The following CHEK1 variants were observed in gnomAD, a reference collection of about 807,000 sequenced individuals.
The protein encoded by CHEK1 is serine/threonine-protein kinase Chk1.
Under a neutral mutation model 60.2 loss-of-function variants are expected in CHEK1, and 32 were observed. The ratio of observed to expected loss-of-function variants is 0.53; its 90% confidence interval spans 0.40 to 0.71. The LOEUF (loss-of-function observed/expected upper bound fraction) is 0.71. Ranked by LOEUF, CHEK1 falls within the 30% of genes least tolerant of loss-of-function variation. The pLI is 0.00. For synonymous variants in CHEK1, 179 were observed against 187.2 expected, an observed-to-expected ratio of 0.96 and a Z score of 0.36; for missense variants, 399 against 564.6, an observed-to-expected ratio of 0.71 and a Z score of 2.97.
intron 1 of CHEK1, chr11:125,626,398 C>T (rs1304808819): frequency 2.3e-6 from 1 of 431,890 alleles, no homozygotes; most frequent in African/African-American, 1.9e-5. Flanking sequence ...TCCCTATATC[C>T]TCTTCCTCTC....
chr11:125,670,212 T>A (rs1942175747), intron 13 of CHEK1, among the ~76,000 whole-genome samples: 1 of 152,220 alleles, frequency 6.6e-6, no homozygotes, highest in South Asian at 2.1e-4. Flanking sequence ...AGTATCTGTG[T>A]AAGATTCATT....
Position 125,625,794 on chromosome 11 carries a change from G to C in CHEK1, c.-239G>C, listed in dbSNP as rs980250476. ...CGCCGTCCTTAAATCTCTTCAGCCA[G>C]GATCTCTCCCCGACTGCAAAGCAGC... is the stretch of plus-strand genomic sequence containing the variant. On this transcript the variant is annotated 5_prime_UTR_variant, in exon 1 of 13. Transcript: ENST00000438015. 29 of 700,372 alleles carry C rather than the reference G, an allele frequency of 4.1e-5. No individual in the cohort carries two copies. The African/African-American group carries it at 4.9e-4, about 12-fold the overall frequency. The allele number at this position is 700,372 out of a possible 1,614,324, so 43.4% of individuals were successfully genotyped here. A position where few individuals can be genotyped will look rare whatever the true frequency, so the allele number is the denominator to read the frequency against.
chr11:125,626,112 C>G, intron 1 of CHEK1, 100 bp downstream of exon 1: 1 of 645,410 alleles, frequency 1.5e-6, no homozygotes, highest in Non-Finnish European at 2.8e-6. Flanking sequence ...TTAGCATTGA[C>G]TAGCGCAGGG....
At chr11:125,627,867 TTTTTAAATTTGTTTTTTAAATCTTG>T in intron 3 of CHEK1, 37 bp downstream of exon 3, 1 of 1,447,584 alleles carries the variant, frequency 6.9e-7, no homozygotes, top group Non-Finnish European at 9.3e-7. Flanking sequence ...TTTAAACAAG[TTTTTAAATTTGTTTTTTAAATCTTG>T]GGCATGCTAT....
downstream of CHEK1, chr11:125,677,823 C>T (rs1000387485): frequency 1.2e-6 from 2 of 1,614,028 alleles, no homozygotes; most frequent in South Asian, 1.1e-5. Flanking sequence ...AATTGGTGCA[C>T]CTGAAGCCTG....
downstream of CHEK1, chr11:125,681,090 A>C: frequency 5.1e-6 from 1 of 194,452 alleles, no homozygotes; most frequent in Non-Finnish European, 1.0e-5. The surrounding 1 kb of genome is among the most constrained non-coding windows in gnomAD (Gnocchi z 4.2). Flanking sequence ...TATTACCAAA[A>C]AGCACATATT....
At chr11:125,635,643 T>C in intron 7 of CHEK1, 110 bp downstream of exon 7, 1 of 661,740 alleles carries the variant, frequency 1.5e-6, no homozygotes, top group South Asian at 2.7e-5. Flanking sequence ...AAATAATTCA[T>C]GTTCGTTGTA....
intron 6 of CHEK1, among the ~76,000 whole-genome samples, chr11:125,634,661 A>AG (rs35275590): frequency 0.32 from 48,352 of 151,880 alleles, 7,934 homozygotes; most frequent in East Asian, 0.43. Flanking sequence ...ATTAGACATT[A>AG]ATAAGCTCTT....
At position 125,625,772 on chromosome 11, in the gene CHEK1, C is replaced by G; in HGVS notation, c.-261C>G. 1 of 688,558 alleles carries G rather than the reference C, an allele frequency of 1.5e-6. No individual in the cohort carries two copies. Among genetic ancestry groups the G allele is most frequent in the Non-Finnish European group, 2.7e-6 (1 of 373,630 alleles). 42.7% of individuals were successfully genotyped at this position (688,558 alleles called of 1,614,324 possible). A position where few individuals can be genotyped will look rare whatever the true frequency, so the allele number is the denominator to read the frequency against. On this transcript the variant is annotated 5_prime_UTR_variant, in exon 1 of 13. Transcript: ENST00000438015. ...CTCAATTCGCGCCGATGCGGTCCGC[C>G]GTCCTTAAATCTCTTCAGCCAGGAT...
At chr11:125,680,649 TG>T, downstream of CHEK1, 1 of 1,304,468 alleles carries the variant, frequency 7.7e-7, no homozygotes, top group Non-Finnish European at 1.1e-6. Context: ...ACTGAGAGAC[TG>T]GTCTTCCTTC....
chr11:125,641,475 C>T (rs1941303438), intron 8 of CHEK1, among the ~76,000 whole-genome samples: 1 of 152,210 alleles, frequency 6.6e-6, no homozygotes, highest in Non-Finnish European at 1.5e-5. Flanking sequence ...TTGATAGTCA[C>T]ATTTATATCA....
downstream of CHEK1, among the ~76,000 whole-genome samples, chr11:125,658,921 A>G (rs1362800804): frequency 6.6e-6 from 1 of 152,012 alleles, no homozygotes; most frequent in African/African-American, 2.4e-5. Context: ...CCTGGGCTCA[A>G]GTGATCATCC....
At chr11:125,658,946 A>G (rs1323673568), downstream of CHEK1, among the ~76,000 whole-genome samples, 1 of 152,072 alleles carries the variant, frequency 6.6e-6, no homozygotes, top group African/African-American at 2.4e-5. Flanking sequence ...TTGGCCTCCC[A>G]GAGTGCTGGG....
At chr11:125,676,596 A>G (rs1353514108), downstream of CHEK1, 1 of 1,295,412 alleles carries the variant, frequency 7.7e-7, no homozygotes, top group Non-Finnish European at 1.1e-6. Context: ...TTTATTTCTT[A>G]GTTCTTTTTG....
intron 1 of CHEK1, chr11:125,626,466 G>A: frequency 2.1e-6 from 1 of 479,902 alleles, no homozygotes; most frequent in Non-Finnish European, 3.7e-6. Flanking sequence ...GAAAGCATTT[G>A]TCTCCCACCT....
intron 8 of CHEK1, among the ~76,000 whole-genome samples, chr11:125,639,261 A>G (rs1182904630): frequency 6.6e-6 from 1 of 151,612 alleles, no homozygotes; most frequent in African/African-American, 2.4e-5. Context: ...AAAAATGTTC[A>G]CTTTAAATTC....
chr11:125,672,432 T>C (rs1942233463), intron 13 of CHEK1: 4 of 768,914 alleles, frequency 5.2e-6, no homozygotes, highest in Non-Finnish European at 8.3e-6. Flanking sequence ...GATAAAAGCA[T>C]GAATAGAAGA....
At chr11:125,657,745 G>A (rs565686855), downstream of CHEK1, among the ~76,000 whole-genome samples, 223 of 152,120 alleles carry the variant, frequency 1.5e-3, 5 homozygotes, top group South Asian at 0.03. Flanking sequence ...ATTGATATTT[G>A]GATTGTGTAC....
At position 125,653,987 on chromosome 11, in the gene CHEK1, G is replaced by A. The variant is rs550053934; in HGVS notation, c.1335+140G>A. 3.3e-5 allele frequency: 17 copies of A among 508,076 alleles called. No homozygotes were observed. The highest frequency in any genetic ancestry group is 1.2e-4 in the South Asian group (4 of 32,988). 31.5% of individuals were successfully genotyped at this position (508,076 alleles called of 1,614,324 possible). ...TTTAATATTATGAGCATGTGTTTTC[G>A]TTATCTATTTTTCCCGAACATTGTT... On this transcript the variant is annotated intron_variant, in intron 12 of 12. Transcript: ENST00000438015. The surrounding 1 kb of genome is among the most constrained non-coding windows in gnomAD (Gnocchi z 4.3).
Sources: gnomAD v4.1 joint callset for allele counts (sites outside exome capture counted in the v4.1 genomes callset) on GRCh38, gnomAD v4.1.1 for gene constraint, Gnocchi (gnomAD v3.1) non-coding constraint, MANE v1.5 for transcripts, NCBI Gene and HGNC (gene_info 2026-07-23, HGNC 2026-07-21) for gene names.